ZDHHC14: variants seen among roughly 807,000 people sequenced by gnomAD.
ZDHHC14 encodes the protein palmitoyltransferase ZDHHC14.
A neutral mutation model predicts 47.7 loss-of-function variants in ZDHHC14; 16 were observed. That is an observed-to-expected ratio of 0.34 (90% CI 0.23 to 0.51). The LOEUF is 0.51. Among genes scored for constraint, ZDHHC14 ranks in the 20% least tolerant of loss-of-function variants. ZDHHC14 has a pLI of 0.97. For synonymous variants in ZDHHC14, 293 were observed against 278.9 expected, an observed-to-expected ratio of 1.05 and a Z score of -0.50; for missense variants, 515 against 662.5, an observed-to-expected ratio of 0.78 and a Z score of 2.44.
rs927430846 is a variant in ZDHHC14, at chr6:157,457,979, C to T, written c.245+75713C>T. On this transcript the variant is annotated intron_variant, in intron 1 of 8. Coordinates refer to ENST00000359775, the MANE Select transcript of ZDHHC14 (RefSeq NM_024630.3). Reference sequence around the variant, plus strand: ...CAAGATAACCAACTCATAAAAGGCTCGTGAGCATATCTGCTTAGACTGGCT... The same window carrying T: ...CAAGATAACCAACTCATAAAAGGCTTGTGAGCATATCTGCTTAGACTGGCT... Among the ~76,000 whole-genome samples, 46 of 152,210 alleles carry T rather than the reference C, an allele frequency of 3.0e-4. 1 individual carries two copies. Among genetic ancestry groups the T allele is most frequent in the Admixed American group, 2.7e-3 (42 of 15,284 alleles).
intron 2 of ZDHHC14, among the ~76,000 whole-genome samples, chr6:157,587,757 G>A (rs895522155): frequency 3.3e-5 from 5 of 152,162 alleles, no homozygotes; most frequent in Non-Finnish European, 7.4e-5. Flanking sequence ...CTCTGGGATT[G>A]TACTTTCACA....
intron 2 of ZDHHC14, among the ~76,000 whole-genome samples, chr6:157,574,662 C>T (rs1783232697): frequency 6.6e-6 from 1 of 152,200 alleles, no homozygotes; most frequent in African/African-American, 2.4e-5. Context: ...GGCTCTCATT[C>T]ATTACGTCCA....
chr6:157,623,408 T>C (rs1785272206), intron 3 of ZDHHC14, among the ~76,000 whole-genome samples: 1 of 152,104 alleles, frequency 6.6e-6, no homozygotes, highest in Non-Finnish European at 1.5e-5. Context: ...TGCGTCCCCT[T>C]CCACCATGAT....
At chr6:157,456,901 C>T (rs1437043425) in intron 1 of ZDHHC14, among the ~76,000 whole-genome samples, 2 of 151,886 alleles carry the variant, frequency 1.3e-5, no homozygotes, top group Non-Finnish European at 2.9e-5. Context: ...TAATCCCAGC[C>T]CCTTCGGAAG....
chr6:157,632,871 C>G lies in ZDHHC14; in HGVS notation c.741C>G (p.Asp247Glu). Residue 247 changes from aspartate (D) to glutamate (E), a missense_variant, in exon 5 of 9, where the codon GAC (aspartate) becomes GAG (glutamate). By Grantham distance (45) the Asp-to-Glu change is conservative. Coordinates refer to ENST00000359775, the MANE Select transcript of ZDHHC14 (RefSeq NM_024630.3). The part of the protein sequence containing the change: ...QQTGFLNALK[D>E]SPASVLEAVV... ...CAGGATTCCTAAATGCCCTTAAGGA[C>G]AGTCCTGCAAGATATCCTTTGTGAT... 6.2e-7 allele frequency: 1 copy of G among 1,614,176 alleles called. No homozygotes were observed.
intron 3 of ZDHHC14, 50 bp from the exon 4 acceptor site, chr6:157,628,299 A>C (rs770664110): frequency 1.9e-6 from 3 of 1,570,544 alleles, no homozygotes; most frequent in Non-Finnish European, 2.6e-6. Context: ...GTAAAAAGAC[A>C]TTTTATTAAT....
At chr6:157,537,344 A>T (rs2114794676) in intron 1 of ZDHHC14, among the ~76,000 whole-genome samples, 1 of 152,344 alleles carries the variant, frequency 6.6e-6, no homozygotes, top group Admixed American at 6.5e-5. Flanking sequence ...TCTAATTATT[A>T]CCTGGAATGA....
rs540232913 is a variant in ZDHHC14, at chr6:157,501,052, T to C, written c.246-41533T>C. ...AGTTTCTTCTGCTGGATGGTAATCC[T>C]AGACAGAATCAGCACAGTTAATGGT... On this transcript the variant is annotated intron_variant, in intron 1 of 8. Transcript: ENST00000359775. Among the ~76,000 whole-genome samples, 15 of 152,366 alleles carry C rather than the reference T, an allele frequency of 9.8e-5. No individual in the cohort carries two copies. The East Asian group carries it at 2.9e-3, about 29-fold the overall frequency.
At chr6:157,514,023 G>C (rs1780590952) in intron 1 of ZDHHC14, among the ~76,000 whole-genome samples, 1 of 152,082 alleles carries the variant, frequency 6.6e-6, no homozygotes, top group Non-Finnish European at 1.5e-5. Context: ...CTTTCTCTCG[G>C]AGGCTGGCTG....
intron 1 of ZDHHC14, among the ~76,000 whole-genome samples, chr6:157,517,867 T>C (rs1391550165): frequency 6.6e-6 from 1 of 151,776 alleles, no homozygotes; most frequent in African/African-American, 2.4e-5. Context: ...CAGAGGAGGG[T>C]TTTTAAAAGT....
chr6:157,617,032 G>A (rs1784994638), intron 3 of ZDHHC14, among the ~76,000 whole-genome samples: 1 of 152,148 alleles, frequency 6.6e-6, no homozygotes, highest in Admixed American at 6.5e-5. Flanking sequence ...AAGCACCATC[G>A]TGAATATTAC....
chr6:157,556,422 C>G (rs142799359), intron 2 of ZDHHC14, among the ~76,000 whole-genome samples: 1 of 152,212 alleles, frequency 6.6e-6, no homozygotes, highest in Admixed American at 6.5e-5. Flanking sequence ...ACGCAAAGGA[C>G]GAGTAACTCC....
chr6:157,486,613 G>GGA (rs1189407194), intron 1 of ZDHHC14, among the ~76,000 whole-genome samples: 1 of 152,154 alleles, frequency 6.6e-6, no homozygotes, highest in Non-Finnish European at 1.5e-5. Flanking sequence ...GCTGAGACAG[G>GGA]GAGAGAGAGA....
At chr6:157,409,477 G>T (rs1777830300) in intron 1 of ZDHHC14, among the ~76,000 whole-genome samples, 1 of 152,186 alleles carries the variant, frequency 6.6e-6, no homozygotes, top group South Asian at 2.1e-4. Context: ...ACCTTTTCTG[G>T]TGAGGGGCTG....
At chr6:157,451,060 A>C (rs1778793214) in intron 1 of ZDHHC14, among the ~76,000 whole-genome samples, 1 of 150,204 alleles carries the variant, frequency 6.7e-6, no homozygotes, top group Non-Finnish European at 1.5e-5. Flanking sequence ...TTCTTTATGG[A>C]TGAGATCTGA....
At chr6:157,669,425 C>T (rs747794626) in intron 8 of ZDHHC14, among the ~76,000 whole-genome samples, 7 of 152,134 alleles carry the variant, frequency 4.6e-5, no homozygotes, top group Non-Finnish European at 8.8e-5. Flanking sequence ...CCACCTCTTC[C>T]CACAGGGAAG....
chr6:157,640,868 C>G (rs1471989727), intron 5 of ZDHHC14, among the ~76,000 whole-genome samples: 1 of 152,232 alleles, frequency 6.6e-6, no homozygotes, highest in East Asian at 1.9e-4. Context: ...AAGTGTTTCT[C>G]TTGACCCTTC....
intron 1 of ZDHHC14, among the ~76,000 whole-genome samples, chr6:157,425,631 T>C (rs1187017530): frequency 1.3e-5 from 2 of 152,200 alleles, no homozygotes; most frequent in East Asian, 3.8e-4. Flanking sequence ...ACTAAGCATT[T>C]TTGAAGAGGG....
At chr6:157,506,906 T>C (rs960243313) in intron 1 of ZDHHC14, among the ~76,000 whole-genome samples, 4 of 36,036 alleles carry the variant, frequency 1.1e-4, no homozygotes, top group Non-Finnish European at 1.9e-4. Flanking sequence ...AGTAGAGTCA[T>C]TTTTTTTTTA....
Sources: gnomAD v4.1 joint callset for allele counts (sites outside exome capture counted in the v4.1 genomes callset) on GRCh38, gnomAD v4.1.1 for gene constraint, MANE v1.5 for transcripts, NCBI Gene and HGNC (gene_info 2026-07-23, HGNC 2026-07-21) for gene names.